The following CAPN13 variants were observed in gnomAD, a reference collection of about 807,000 sequenced individuals.
CAPN13 encodes calpain-13.
CAPN13 carries 90 observed loss-of-function variants against 98.4 expected under a neutral mutation model. The observed-to-expected ratio is 0.92, with a 90% confidence interval of 0.77 to 1.09. CAPN13 has a LOEUF of 1.09. Ranked by LOEUF, CAPN13 falls within the 50% of genes least tolerant of loss-of-function variation. The pLI, the probability that CAPN13 is intolerant of heterozygous loss-of-function variation, is 0.00. For missense variants in CAPN13, 887 were observed against 841.3 expected (o/e 1.05, Z -0.67); for synonymous variants, 330 against 305.5 (o/e 1.08, Z -0.84).
In CAPN13 at chr2:30,738,216, G is replaced by A. The variant is rs772515833; in HGVS notation, c.1653+19C>T. 6.2e-7 allele frequency: 1 copy of A among 1,613,768 alleles called. No individual in the cohort carries two copies. The highest frequency in any genetic ancestry group is 8.5e-7 in the Non-Finnish European group (1 of 1,179,770). ...CTGAGGGGTGCTCAGAGCATGGGAG[G>A]GATGACCGCAAAGGATACTTCCATC... On this transcript the variant is annotated intron_variant, in intron 17 of 22. Transcript: ENST00000295055.
Position 30,798,438 on chromosome 2 carries a change from T to C in CAPN13, c.-33+8864A>G, listed in dbSNP as rs1675002710. ...CTCTCTGCTTTTCTTCAGTGTCATA[T>C]TTTGGGCACTAAACCACTCAGTGAC... On this transcript the variant is annotated intron_variant, in intron 1 of 22. Coordinates refer to ENST00000295055, the MANE Select transcript of CAPN13 (RefSeq NM_144575.3). 2.0e-5 allele frequency among the ~76,000 whole-genome samples: 3 copies of C among 152,180 alleles called. No individual in the cohort carries two copies. In the South Asian group the frequency reaches 6.2e-4, roughly 32 times the overall value.
At chr2:30,740,992 G>T (rs1671623247) in intron 15 of CAPN13, among the ~76,000 whole-genome samples, 1 of 152,164 alleles carries the variant, frequency 6.6e-6, no homozygotes, top group Non-Finnish European at 1.5e-5. Flanking sequence ...TGGGGACAAG[G>T]AATGCATATA....
chr2:30,733,131 C>A (rs533735855), intron 19 of CAPN13, among the ~76,000 whole-genome samples: 23 of 152,214 alleles, frequency 1.5e-4, no homozygotes, highest in African/African-American at 5.3e-4. Flanking sequence ...AGGGAGGCAC[C>A]GACCTCACAG....
At chr2:30,796,947 C>A (rs1020583609) in intron 1 of CAPN13, among the ~76,000 whole-genome samples, 1 of 152,220 alleles carries the variant, frequency 6.6e-6, no homozygotes, top group African/African-American at 2.4e-5. Flanking sequence ...GTAACATAAG[C>A]ATGCCTGGCA....
At chr2:30,763,050 GGA>G in intron 7 of CAPN13, 30 bp downstream of exon 7, 1 of 1,568,962 alleles carries the variant, frequency 6.4e-7, no homozygotes, top group Non-Finnish European at 8.7e-7. Flanking sequence ...AGAGGCCAGG[GGA>G]GAGCTGGACA....
chr2:30,768,098 C>T (rs543130860), intron 5 of CAPN13, among the ~76,000 whole-genome samples: 1 of 152,354 alleles, frequency 6.6e-6, no homozygotes, highest in South Asian at 2.1e-4. Context: ...CTGGCACTTC[C>T]CTTGCCCCTT....
At chr2:30,763,693 G>C (rs570237996) in intron 6 of CAPN13, among the ~76,000 whole-genome samples, 1 of 152,308 alleles carries the variant, frequency 6.6e-6, no homozygotes, top group African/African-American at 2.4e-5. Flanking sequence ...GCTGCCCTTG[G>C]GTGCTGCCAT....
Position 30,751,202 on chromosome 2 carries a change from C to T in CAPN13, c.1137G>A (p.Met379Ile). The change falls in exon 11 of 23, where the codon ATG becomes ATA. Residue 379 changes from methionine to isoleucine, a missense_variant. Transcript: ENST00000295055. The stretch of plus-strand genomic sequence containing the variant: ...CGCACACGACAACATTGGTGCCTTC[C>T]ATTGGCTCTTGCACAGAGAAGTTGA... The part of the protein sequence containing the change: ...AQFNFSVQEP[M>I]EGTNVVVCVT... 3 of 1,613,994 alleles carry T rather than the reference C, an allele frequency of 1.9e-6. No homozygotes were observed. Among genetic ancestry groups the T allele is most frequent in the Non-Finnish European group, 2.5e-6 (3 of 1,179,882 alleles).
chr2:30,799,136 G>T (rs1383678510), intron 1 of CAPN13, among the ~76,000 whole-genome samples: 2 of 151,968 alleles, frequency 1.3e-5, no homozygotes, highest in Non-Finnish European at 2.9e-5. Flanking sequence ...GCAAAAGAAG[G>T]GGGTAAGAAG....
chr2:30,744,951 T>C (rs764317452), intron 12 of CAPN13, among the ~76,000 whole-genome samples: 1 of 152,206 alleles, frequency 6.6e-6, no homozygotes, highest in Admixed American at 6.5e-5. Flanking sequence ...ACTTCATAGC[T>C]GGGATGTCAG....
intron 1 of CAPN13, among the ~76,000 whole-genome samples, chr2:30,790,688 A>G (rs887266010): frequency 6.6e-6 from 1 of 152,196 alleles, no homozygotes; most frequent in Non-Finnish European, 1.5e-5. Context: ...TTTATGCCTG[A>G]GGTTGCAATT....
intron 21 of CAPN13, among the ~76,000 whole-genome samples, chr2:30,731,121 C>G (rs963048863): frequency 6.6e-6 from 1 of 152,232 alleles, no homozygotes; most frequent in Non-Finnish European, 1.5e-5. Flanking sequence ...ACATAATCCT[C>G]TGCTTTATTA....
At chr2:30,773,201 AT>A (rs1295638237) in intron 4 of CAPN13, among the ~76,000 whole-genome samples, 4 of 152,164 alleles carry the variant, frequency 2.6e-5, no homozygotes, top group African/African-American at 9.7e-5. Context: ...TTAACATGAG[AT>A]TTTTCTTCTG....
intron 4 of CAPN13, among the ~76,000 whole-genome samples, chr2:30,771,662 G>C (rs1462516101): frequency 6.6e-6 from 1 of 152,180 alleles, no homozygotes; most frequent in East Asian, 1.9e-4. Context: ...CCCCAGAAGG[G>C]AGTACCAAAA....
At chr2:30,740,091 T>TTTG (rs1558615062) in intron 15 of CAPN13, among the ~76,000 whole-genome samples, 1 of 136,722 alleles carries the variant, frequency 7.3e-6, no homozygotes, top group African/African-American at 2.7e-5. Context: ...GGTTTTTTTT[T>TTTG]TTTTTTTTTT....
intron 9 of CAPN13, 101 bp from the exon 10 acceptor site, chr2:30,753,299 C>T (rs1398652549): frequency 1.6e-6 from 2 of 1,232,812 alleles, no homozygotes; most frequent in Non-Finnish European, 2.3e-6. Flanking sequence ...GCCCAGAGGC[C>T]AGTGTCTGAT....
At position 30,777,631 on chromosome 2, in the gene CAPN13, T is replaced by C. The variant is rs1047527409; in HGVS notation, c.207A>G (p.Pro69=). The C allele has an allele frequency of 6.4e-7, 1 of 1,573,480 alleles. No individual in the cohort carries two copies. Among genetic ancestry groups the C allele is most frequent in the Non-Finnish European group, 8.6e-7 (1 of 1,157,624 alleles). ...CCAGGATGAAGTGAGGAGGACCCCC[T>C]GGTAGATCCTTTAGGAAAGAGGGAG... The part of the protein sequence containing the change: ...NVIWKRPQDL[P]GGPPHFILDD... The change falls in exon 3 of 23, where the codon CCA becomes CCG. Residue 69 remains proline, a synonymous_variant. Transcript: ENST00000295055.
chr2:30,745,318 G>C (rs1671850444), intron 12 of CAPN13: 1 of 484,426 alleles, frequency 2.1e-6, no homozygotes, highest in Admixed American at 2.3e-5. Context: ...GTACCTTGAA[G>C]CTGCATTTGG....
intron 1 of CAPN13, among the ~76,000 whole-genome samples, chr2:30,801,354 G>C (rs927653698): frequency 2.0e-5 from 3 of 152,062 alleles, no homozygotes; most frequent in Non-Finnish European, 4.4e-5. Flanking sequence ...GGTGGCTCAT[G>C]ATTGTAATCC....
Sources: allele counts gnomAD v4.1 joint callset (sites outside exome capture counted in the v4.1 genomes callset), GRCh38; gene constraint gnomAD v4.1.1; transcripts MANE v1.5; gene names NCBI Gene and HGNC (gene_info 2026-07-23, HGNC 2026-07-21).